Variants in RASAL2 observed in about 807,000 individuals in gnomAD.
RASAL2 encodes RAS protein activator like 2, also known as ras GTPase-activating protein nGAP.
Under a neutral mutation model 128.9 loss-of-function variants are expected in RASAL2, and 58 were observed. That is an observed-to-expected ratio of 0.45 (90% CI 0.36 to 0.56). The LOEUF (loss-of-function observed/expected upper bound fraction) is 0.56. Among genes scored for constraint, RASAL2 ranks in the 20% least tolerant of loss-of-function variants. The pLI is 0.00. For missense variants in RASAL2, 1,360 were observed against 1,601.6 expected (o/e 0.85, Z 2.57); for synonymous variants, 561 against 580.8 (o/e 0.97, Z 0.49).
At position 178,192,323 on chromosome 1, in the gene RASAL2, A is replaced by G. The variant is rs542626454; in HGVS notation, c.203-91241A>G. On this transcript the variant is annotated intron_variant, in intron 1 of 17. Transcript: ENST00000367649. ...CTCTGTTAGGCACCTTGGAGAGTACAAAGAGAAATGCATGAAATTAACTAA... is the reference window on the plus strand; with the variant it reads ...CTCTGTTAGGCACCTTGGAGAGTACGAAGAGAAATGCATGAAATTAACTAA... Among the ~76,000 whole-genome samples the G allele has an allele frequency of 1.1e-3, 166 of 152,344 alleles. 1 individual carries two copies. Among genetic ancestry groups the G allele is most frequent in the African/African-American group, 3.7e-3 (155 of 41,580 alleles).
chr1:178,342,871 C>T (rs1418443017), intron 3 of RASAL2, among the ~76,000 whole-genome samples: 1 of 152,160 alleles, frequency 6.6e-6, no homozygotes, highest in African/African-American at 2.4e-5. Context: ...TGTTACTTCA[C>T]CTCATGAATT....
intron 1 of RASAL2, among the ~76,000 whole-genome samples, chr1:178,276,964 C>T (rs1162301191): frequency 2.6e-5 from 4 of 151,418 alleles, no homozygotes; most frequent in East Asian, 2.0e-4. Flanking sequence ...CTGGCTAACA[C>T]GGTAAAACCC....
intron 4 of RASAL2, among the ~76,000 whole-genome samples, chr1:178,404,548 T>A (rs1356645472): frequency 6.6e-6 from 1 of 151,820 alleles, no homozygotes; most frequent in Non-Finnish European, 1.5e-5. Flanking sequence ...GCCCAGATAA[T>A]TTTTGTATTT....
At chr1:178,162,010 GC>G (rs1477684649) in intron 1 of RASAL2, among the ~76,000 whole-genome samples, 3 of 150,368 alleles carry the variant, frequency 2.0e-5, no homozygotes, top group Admixed American at 2.0e-4. Context: ...TGTCTGCCAG[GC>G]TGGAGTGCAG....
chr1:178,144,045 G>A (rs1371524607), intron 1 of RASAL2, among the ~76,000 whole-genome samples: 1 of 152,102 alleles, frequency 6.6e-6, no homozygotes, highest in Non-Finnish European at 1.5e-5. Context: ...TGTCTCAAGA[G>A]TTGTGTGTGT....
intron 13 of RASAL2, among the ~76,000 whole-genome samples, 173 bp from the exon 14 acceptor site, chr1:178,457,510 G>T (rs956697186): frequency 6.6e-6 from 1 of 152,116 alleles, no homozygotes; most frequent in Non-Finnish European, 1.5e-5. Context: ...TAAAAATGCT[G>T]GATTTTATTC....
intron 1 of RASAL2, among the ~76,000 whole-genome samples, chr1:178,209,400 C>A (rs1448416555): frequency 6.6e-6 from 1 of 152,120 alleles, no homozygotes. Flanking sequence ...ATCAATATTT[C>A]TGAATCCTTG....
intron 1 of RASAL2, among the ~76,000 whole-genome samples, chr1:178,113,331 A>G (rs1207974503): frequency 1.3e-5 from 2 of 151,220 alleles, no homozygotes; most frequent in African/African-American, 4.9e-5. Flanking sequence ...TTGCATGCCC[A>G]TAGGTCTTGT....
Position 178,381,554 on chromosome 1 carries a change from A to G in RASAL2, c.458-8546A>G, listed in dbSNP as rs140228916. 2.3e-4 allele frequency among the ~76,000 whole-genome samples: 35 copies of G among 152,100 alleles called. No homozygotes were observed. In the East Asian group the frequency reaches 6.8e-3, roughly 29 times the overall value. ...ATATTTAGTTCTTGGTAAATGATTA[A>G]ATTTTCATCTTTATATTACAGGTTT... On this transcript the variant is annotated intron_variant, in intron 3 of 17. Transcript: ENST00000367649.
At position 178,259,453 on chromosome 1, in the gene RASAL2, A is replaced by G. The variant is rs1219287584; in HGVS notation, c.203-24111A>G. On this transcript the variant is annotated intron_variant, in intron 1 of 17. Coordinates refer to ENST00000367649, the MANE Select transcript of RASAL2 (RefSeq NM_170692.4). Reference sequence around the variant, plus strand: ...CTAAAATCGTCTATGTTGATTGCACATATCTGTGAATAAAGTACAGACTGT... The same window carrying G: ...CTAAAATCGTCTATGTTGATTGCACGTATCTGTGAATAAAGTACAGACTGT... Among the ~76,000 whole-genome samples the G allele has an allele frequency of 2.6e-5, 4 of 152,252 alleles. No individual in the cohort carries two copies. In the East Asian group the frequency reaches 7.7e-4, roughly 29 times the overall value.
At chr1:178,412,593 C>G (rs1216636249) in intron 4 of RASAL2, among the ~76,000 whole-genome samples, 1 of 152,182 alleles carries the variant, frequency 6.6e-6, no homozygotes, top group East Asian at 1.9e-4. Flanking sequence ...ATCTGTGTTC[C>G]TAAATCAGCC....
chr1:178,341,402 G>T (rs1669870173), intron 3 of RASAL2: 2 of 1,400,112 alleles, frequency 1.4e-6, no homozygotes, highest in East Asian at 2.6e-5. Flanking sequence ...TTGGGGGCGG[G>T]GTTGGGGCGA....
chr1:178,310,864 T>G (rs1342066213), intron 3 of RASAL2, among the ~76,000 whole-genome samples: 2 of 152,182 alleles, frequency 1.3e-5, no homozygotes, highest in Admixed American at 6.6e-5. Flanking sequence ...AGGACTCCCT[T>G]TCTAATTTGT....
intron 2 of RASAL2, among the ~76,000 whole-genome samples, chr1:178,297,035 C>A (rs1400128208): frequency 3.3e-4 from 50 of 149,372 alleles, no homozygotes; most frequent in Admixed American, 4.7e-4. Flanking sequence ...GCCACAAGGG[C>A]AGAGAAGAAA....
chr1:178,260,825 A>G (rs981806826), intron 1 of RASAL2, among the ~76,000 whole-genome samples: 4 of 152,098 alleles, frequency 2.6e-5, no homozygotes, highest in Admixed American at 6.5e-5. Context: ...CAACATGCCC[A>G]CTTACTTCTG....
chr1:178,459,879 G>A (rs1431708619), intron 14 of RASAL2, among the ~76,000 whole-genome samples: 1 of 151,948 alleles, frequency 6.6e-6, no homozygotes, highest in African/African-American at 2.4e-5. Flanking sequence ...ATTTTTATTT[G>A]AAGAAAAGGA....
chr1:178,125,587 A>G (rs1007012850), intron 1 of RASAL2: 3 of 152,202 alleles, frequency 2.0e-5, no homozygotes, highest in Non-Finnish European at 2.9e-5. Context: ...GAATAACAGT[A>G]TACTTTCCTG....
At chr1:178,281,520 G>T (rs1666782589) in intron 1 of RASAL2, among the ~76,000 whole-genome samples, 1 of 152,070 alleles carries the variant, frequency 6.6e-6, no homozygotes, top group Non-Finnish European at 1.5e-5. Flanking sequence ...AGGAAACCTG[G>T]GTTGTGCTAT....
intron 3 of RASAL2, among the ~76,000 whole-genome samples, chr1:178,350,089 T>A (rs575994241): frequency 4.6e-5 from 7 of 152,366 alleles, no homozygotes; most frequent in Admixed American, 4.6e-4. Context: ...TCACTAGTTC[T>A]TTCATATCAC....
Sources: gnomAD v4.1 joint callset for allele counts (sites outside exome capture counted in the v4.1 genomes callset) on GRCh38, gnomAD v4.1.1 for gene constraint, MANE v1.5 for transcripts, NCBI Gene and HGNC (gene_info 2026-07-23, HGNC 2026-07-21) for gene names.